ISCA1: variants seen among roughly 807,000 people sequenced by gnomAD.
ISCA1 encodes iron-sulfur cluster assembly 1.
Under a neutral mutation model 14.7 loss-of-function variants are expected in ISCA1, and 9 were observed. The ratio of observed to expected loss-of-function variants is 0.61; its 90% CI spans 0.37 to 1.07. The LOEUF (loss-of-function observed/expected upper bound fraction) is 1.07. Among genes scored for constraint, ISCA1 ranks in the 50% least tolerant of loss-of-function variants. The pLI is 0.01. For synonymous variants in ISCA1, 38 were observed against 54.3 expected, an observed-to-expected ratio of 0.70 and a Z score of 1.32; for missense variants, 102 against 150.1, an observed-to-expected ratio of 0.68 and a Z score of 1.67.
chr9:86,267,152 G>C (rs930733747), intron 3 of ISCA1: 8 of 198,502 alleles, frequency 4.0e-5, no homozygotes, highest in Non-Finnish European at 7.3e-5. Context: ...TTGAGCCCGG[G>C]AGACAGAGGC....
At chr9:86,280,986 G>A (rs1476995268) in intron 1 of ISCA1, among the ~76,000 whole-genome samples, 1 of 151,224 alleles carries the variant, frequency 6.6e-6, no homozygotes, top group South Asian at 2.1e-4. Flanking sequence ...AAAAAACCCA[G>A]TTAATAGGGT....
chr9:86,272,091 G>A lies in ISCA1; in HGVS notation c.157C>T (p.Arg53Ter), dbSNP rs1441337310. 4 of 1,600,460 alleles carry A rather than the reference G, an allele frequency of 2.5e-6. No homozygotes were observed. Among genetic ancestry groups the A allele is most frequent in the Non-Finnish European group, 2.6e-6 (3 of 1,168,232 alleles). The change falls in exon 3 of 4, where the codon CGA (arginine) becomes TGA (stop). Residue 53 changes from arginine to a stop codon, truncating the protein, a stop_gained. Coordinates refer to ENST00000375991, the MANE Select transcript of ISCA1 (RefSeq NM_030940.4). LOFTEE classifies it high-confidence loss of function. Reference protein sequence around the residue: ...PEHVGVKVGVRTRGCNGLSYT... With the variant: ...PEHVGVKVGV ...GAAAGGCCATTACAGCCCCTGGTTC[G>A]GACACCAACTTTTACACCTACCTGA...
Position 86,272,018 on chromosome 9 carries a change from A to C in ISCA1, c.230T>G (p.Val77Gly). The change falls in exon 3 of 4, where the codon GTT (valine) becomes GGT (glycine). Residue 77 changes from valine (V) to glycine (G), a missense_variant. Coordinates refer to ENST00000375991, the MANE Select transcript of ISCA1 (RefSeq NM_030940.4). ...TGTTAAAAACTCACCATCTTGAATA[A>C]CTTCTTCATCAGAATCTCCTTTTGT... The part of the protein sequence containing the change: ...TKTKGDSDEE[V>G]IQDGVRVFIE... 6.3e-7 allele frequency: 1 copy of C among 1,583,044 alleles called. No homozygotes were observed. Among genetic ancestry groups the C allele is most frequent in the East Asian group, 2.2e-5 (1 of 44,744 alleles).
intron 1 of ISCA1, chr9:86,282,074 A>T: frequency 2.4e-6 from 1 of 423,224 alleles, no homozygotes; most frequent in Non-Finnish European, 4.3e-6. Flanking sequence ...AGGAGTGTGG[A>T]GGCGATCGGC....
chr9:86,276,532 T>G (rs1229182598), intron 1 of ISCA1, among the ~76,000 whole-genome samples: 2 of 152,192 alleles, frequency 1.3e-5, no homozygotes, highest in Non-Finnish European at 2.9e-5. Context: ...AATAGCTTTC[T>G]GTAAGTTTAT....
At chr9:86,272,229 G>T in intron 2 of ISCA1, 117 bp from the exon 3 acceptor site, 2 of 702,546 alleles carry the variant, frequency 2.8e-6, no homozygotes, top group Non-Finnish European at 5.1e-6. Context: ...ATTTTTTGTA[G>T]GACAGGGTCT....
intron 1 of ISCA1, among the ~76,000 whole-genome samples, chr9:86,275,371 T>C (rs1825427954): frequency 6.6e-6 from 1 of 152,162 alleles, no homozygotes. Context: ...TCTCAAAGTC[T>C]GGATATTACG....
intron 1 of ISCA1, among the ~76,000 whole-genome samples, chr9:86,276,470 CAT>C (rs1825439952): frequency 6.6e-6 from 1 of 152,174 alleles, no homozygotes; most frequent in Non-Finnish European, 1.5e-5. Context: ...AAATTTTCAC[CAT>C]ATTTTCCTAT....
chr9:86,276,870 C>CAAAAAAAA (rs35460722), intron 1 of ISCA1, among the ~76,000 whole-genome samples: 2 of 39,910 alleles, frequency 5.0e-5, no homozygotes, highest in African/African-American at 9.7e-5. Flanking sequence ...GACTCTGTCT[C>CAAAAAAAA]AAAAAAAAAA....
At chr9:86,278,970 C>T (rs986575713) in intron 1 of ISCA1, among the ~76,000 whole-genome samples, 6 of 152,196 alleles carry the variant, frequency 3.9e-5, no homozygotes, top group Non-Finnish European at 4.4e-5. Flanking sequence ...ACAGGATCTA[C>T]TCTCACGTAC....
In ISCA1 at chr9:86,282,527, G is replaced by T; in HGVS notation, c.-69C>A. 6.5e-7 allele frequency: 1 copy of T among 1,549,438 alleles called. No homozygotes were observed. The highest frequency in any genetic ancestry group is 8.7e-7 in the Non-Finnish European group (1 of 1,146,448). ...CGCCTCAGCTTCTCTCCATGGACAC[G>T]GCGGGCGCATTGACGCCACAAGCTT... On this transcript the variant is annotated 5_prime_UTR_variant, in exon 1 of 4. Coordinates refer to ENST00000375991, the MANE Select transcript of ISCA1 (RefSeq NM_030940.4).
At chr9:86,266,908 A>ATT in intron 3 of ISCA1, 1 of 152,420 alleles carries the variant, frequency 6.6e-6, no homozygotes, top group South Asian at 2.1e-4. Context: ...ACGTGGCCCA[A>ATT]GCTGGTCTTG....
chr9:86,273,345 C>T (rs1264278068), intron 2 of ISCA1, among the ~76,000 whole-genome samples: 1 of 152,152 alleles, frequency 6.6e-6, no homozygotes, highest in Non-Finnish European at 1.5e-5. Context: ...AGGAATGGAT[C>T]CTATGTAGGT....
At chr9:86,267,662 A>T (rs1369178472) in intron 3 of ISCA1, 1 of 816,680 alleles carries the variant, frequency 1.2e-6, no homozygotes, top group African/African-American at 1.9e-5. Flanking sequence ...TTGATAATAC[A>T]GCTCCACTAA....
rs762760654 is a variant in ISCA1 at position 86,266,175 on chromosome 9, G to A, written c.258C>T (p.Ile86=). The change falls in exon 4 of 4, where the codon ATC becomes ATT. Residue 86 remains isoleucine, a synonymous_variant. Coordinates refer to ENST00000375991, the MANE Select transcript of ISCA1 (RefSeq NM_030940.4). The part of the protein sequence containing the change: ...EVIQDGVRVF[I]EKKAQLTLLG... ...AAAGTGTTAGCTGTGCTTTCTTTTC[G>A]ATGAATACTCTGACTCCTTGGAGAA... is the stretch of plus-strand genomic sequence containing the variant. 20 of 1,607,838 alleles carry A rather than the reference G, an allele frequency of 1.2e-5. No individual in the cohort carries two copies. The highest frequency in any genetic ancestry group is 1.7e-4 in the Middle Eastern group (1 of 6,036).
intron 1 of ISCA1, among the ~76,000 whole-genome samples, chr9:86,279,055 G>A (rs1419922807): frequency 6.6e-6 from 1 of 152,234 alleles, no homozygotes; most frequent in South Asian, 2.1e-4. Context: ...AACTGCCTTC[G>A]TATAGAAATC....
intron 1 of ISCA1, among the ~76,000 whole-genome samples, chr9:86,276,993 A>G (rs1477542763): frequency 6.6e-6 from 1 of 151,986 alleles, no homozygotes; most frequent in East Asian, 1.9e-4. Context: ...ACACCACTGC[A>G]TGATCTAAAC....
chr9:86,273,982 A>G (rs1564009698), intron 2 of ISCA1, among the ~76,000 whole-genome samples: 1 of 152,248 alleles, frequency 6.6e-6, no homozygotes, highest in Admixed American at 6.5e-5. Context: ...CTTGGAAGGA[A>G]GAATGACGAC....
intron 2 of ISCA1, among the ~76,000 whole-genome samples, 172 bp from the exon 3 acceptor site, chr9:86,272,284 C>A (rs570633468): frequency 6.6e-6 from 1 of 152,156 alleles, no homozygotes; most frequent in Admixed American, 6.5e-5. Context: ...ACTCAAATAA[C>A]GCTTCCACCT....
Sources: allele counts gnomAD v4.1 joint callset (sites outside exome capture counted in the v4.1 genomes callset), GRCh38; gene constraint gnomAD v4.1.1; transcripts MANE v1.5; gene names NCBI Gene and HGNC (gene_info 2026-07-23, HGNC 2026-07-21).